Variants in SH3RF1 observed in about 807,000 individuals in gnomAD.
SH3RF1 encodes the protein SH3 domain containing ring finger 1.
In SH3RF1, 32 loss-of-function variants were observed where a neutral mutation model predicts 74.0. The ratio of observed to expected loss-of-function variants is 0.43; its 90% CI spans 0.33 to 0.58. SH3RF1 has a LOEUF of 0.58. SH3RF1 is among the 20% of genes least tolerant of loss of function. The pLI, the probability that SH3RF1 is intolerant of heterozygous loss-of-function variation, is 0.05. For synonymous variants in SH3RF1, 396 were observed against 439.6 expected (o/e 0.90, Z 1.24); for missense variants, 954 against 1,130.9 (o/e 0.84, Z 2.24).
intron 2 of SH3RF1, among the ~76,000 whole-genome samples, chr4:169,258,992 C>G (rs1252849832): frequency 1.3e-5 from 2 of 152,038 alleles, no homozygotes; most frequent in Non-Finnish European, 1.5e-5. Context: ...ACTTACATTG[C>G]TACGGTATTA....
At chr4:169,110,963 G>C (rs1459670840) in intron 10 of SH3RF1, among the ~76,000 whole-genome samples, 1 of 151,972 alleles carries the variant, frequency 6.6e-6, no homozygotes, top group African/African-American at 2.4e-5. Flanking sequence ...CTAAAGCAAG[G>C]GTTAGAACTT....
chr4:169,148,890 C>T (rs1300218923), intron 4 of SH3RF1, among the ~76,000 whole-genome samples: 1 of 152,078 alleles, frequency 6.6e-6, no homozygotes, highest in African/African-American at 2.4e-5. Flanking sequence ...GGTATGTTTT[C>T]CAGGAATTAT....
intron 4 of SH3RF1, among the ~76,000 whole-genome samples, chr4:169,147,920 T>A (rs951450356): frequency 1.3e-5 from 2 of 152,072 alleles, no homozygotes; most frequent in African/African-American, 4.8e-5. Context: ...ACTGGAAAAA[T>A]TTAGTGTGTA....
At chr4:169,161,901 C>G (rs1446363177) in intron 2 of SH3RF1, among the ~76,000 whole-genome samples, 2 of 152,140 alleles carry the variant, frequency 1.3e-5, no homozygotes, top group Non-Finnish European at 2.9e-5. Context: ...TCTTTTGGGT[C>G]AGGCACGGTA....
chr4:169,151,941 T>C (rs13149839), intron 4 of SH3RF1, among the ~76,000 whole-genome samples: 8,737 of 152,290 alleles, frequency 0.057, 359 homozygotes, highest in African/African-American at 0.12. Context: ...TTAAGAATCA[T>C]GTCATCCAAA....
chr4:169,254,530 C>T (rs1192396972), intron 2 of SH3RF1, among the ~76,000 whole-genome samples: 1 of 152,008 alleles, frequency 6.6e-6, no homozygotes, highest in African/African-American at 2.4e-5. Context: ...CTGACACTAT[C>T]GTAAAGATTA....
At chr4:169,230,695 C>T (rs144521097) in intron 2 of SH3RF1, among the ~76,000 whole-genome samples, 52 of 152,084 alleles carry the variant, frequency 3.4e-4, no homozygotes, top group South Asian at 1.9e-3. Flanking sequence ...TCCATCTCTA[C>T]TAAAAATACA....
At chr4:169,231,890 A>C (rs1254916481) in intron 2 of SH3RF1, among the ~76,000 whole-genome samples, 1 of 152,272 alleles carries the variant, frequency 6.6e-6, no homozygotes, top group Admixed American at 6.5e-5. Flanking sequence ...GTCTTTAAAA[A>C]CCTGTTATTC....
chr4:169,113,399 C>T lies in SH3RF1; in HGVS notation c.2139+2870G>A, dbSNP rs148999671. On this transcript the variant is annotated intron_variant, in intron 10 of 11. Coordinates refer to ENST00000284637, the MANE Select transcript of SH3RF1 (RefSeq NM_020870.4). ...TGCTGGGATTACAGGTGTAAGCCAC[C>T]GCGCCCGGCCCCAATTTTCAAACAC... 7.9e-5 allele frequency among the ~76,000 whole-genome samples: 12 copies of T among 152,280 alleles called. No individual in the cohort carries two copies. The South Asian group carries it at 2.5e-3, about 32-fold the overall frequency.
Position 169,187,516 on chromosome 4 carries a change from CTGTGTGTGTGTGTGTGTGTG to C in SH3RF1, c.394-30857_394-30838del, listed in dbSNP as rs60705711. On this transcript the variant is annotated intron_variant, in intron 2 of 11. Transcript: ENST00000284637. ...AGTATATTTTCTTTACAACGAATTT[CTGTGTGTGTGTGTGTGTGTG>C]TGTGTGTGTGTGTGTGTGTGTGTGT... Among the ~76,000 whole-genome samples, 217 of 144,186 alleles carry C rather than the reference CTGTGTGTGTGTGTGTGTGTG, an allele frequency of 1.5e-3. 1 individual carries two copies. Among genetic ancestry groups the C allele is most frequent in the African/African-American group, 4.0e-3 (155 of 38,432 alleles). 94.6% of individuals were successfully genotyped at this position (144,186 alleles called of 152,430 possible).
At chr4:169,142,087 G>A (rs1391550265) in intron 4 of SH3RF1, among the ~76,000 whole-genome samples, 2 of 151,994 alleles carry the variant, frequency 1.3e-5, no homozygotes, top group Admixed American at 6.6e-5. Context: ...CAAAGTGCTG[G>A]GATTACAGGT....
chr4:169,126,502 G>A (rs1186534969), intron 6 of SH3RF1, among the ~76,000 whole-genome samples: 4 of 152,104 alleles, frequency 2.6e-5, no homozygotes, highest in Admixed American at 6.5e-5. Context: ...CTCCACCATG[G>A]CTACATATTG....
rs778435443 is a variant in SH3RF1, at chr4:169,158,482, T to A, written c.394-1803A>T. 2.6e-5 allele frequency among the ~76,000 whole-genome samples: 4 copies of A among 152,194 alleles called. No homozygotes were observed. The South Asian group carries it at 8.3e-4, about 31-fold the overall frequency. ...AGGCCAGTTTATTGAGGGTCTTGTA[T>A]AACATATGAAAGAGTTTTTATTGCT... On this transcript the variant is annotated intron_variant, in intron 2 of 11. Transcript: ENST00000284637.
In SH3RF1 at chr4:169,218,367, ATATAGAATATAGAATATATATAT is replaced by A. The variant is rs1366441929; in HGVS notation, c.393+50430_393+50452del. Among the ~76,000 whole-genome samples the A allele has an allele frequency of 2.2e-3, 317 of 141,862 alleles. 1 individual carries two copies. Among genetic ancestry groups the A allele is most frequent in the African/African-American group, 7.6e-3 (293 of 38,654 alleles). 93.1% of individuals were successfully genotyped at this position (141,862 alleles called of 152,430 possible). A position where few individuals can be genotyped will look rare whatever the true frequency, so the allele number is the denominator to read the frequency against. ...AGAATATAAATATATATTATATAAT[ATATAGAATATAGAATATATATAT>A]TATAGAATATAGAATATAGAATATA... On this transcript the variant is annotated intron_variant, in intron 2 of 11. Coordinates refer to ENST00000284637, the MANE Select transcript of SH3RF1 (RefSeq NM_020870.4).
intron 2 of SH3RF1, among the ~76,000 whole-genome samples, chr4:169,233,301 A>T (rs2127008431): frequency 6.6e-6 from 1 of 151,960 alleles, no homozygotes; most frequent in South Asian, 2.1e-4. Flanking sequence ...CAGTTGGTAA[A>T]TGGGATATTC....
chr4:169,247,818 AAAAAG>A (rs1158432683), intron 2 of SH3RF1, among the ~76,000 whole-genome samples: 3 of 152,248 alleles, frequency 2.0e-5, no homozygotes, highest in African/African-American at 7.2e-5. Flanking sequence ...CGACCCCATC[AAAAAG>A]TGGATGAAGG....
At chr4:169,213,149 C>T (rs1730408397) in intron 2 of SH3RF1, among the ~76,000 whole-genome samples, 1 of 152,218 alleles carries the variant, frequency 6.6e-6, no homozygotes, top group Non-Finnish European at 1.5e-5. Flanking sequence ...TGCATTTCCA[C>T]CTGCAATGAA....
chr4:169,215,983 T>C (rs996256906), intron 2 of SH3RF1, among the ~76,000 whole-genome samples: 12 of 152,086 alleles, frequency 7.9e-5, no homozygotes, highest in African/African-American at 2.9e-4. Context: ...TTTGTATTTT[T>C]TGTAGAGACA....
chr4:169,216,730 A>G (rs971756970), intron 2 of SH3RF1, among the ~76,000 whole-genome samples: 3 of 152,200 alleles, frequency 2.0e-5, no homozygotes, highest in Admixed American at 6.5e-5. Context: ...AATTGTCTTC[A>G]GTATTTTTCC....
Sources: allele counts gnomAD v4.1 joint callset (sites outside exome capture counted in the v4.1 genomes callset), GRCh38; gene constraint gnomAD v4.1.1; transcripts MANE v1.5; gene names NCBI Gene and HGNC (gene_info 2026-07-23, HGNC 2026-07-21).